The following GLT6D1 variants were observed in gnomAD, a reference collection of about 807,000 sequenced individuals.
GLT6D1 encodes the protein glycosyltransferase 6 domain containing 1, also known as putative glycosyltransferase 6 domain-containing protein 1.
GLT6D1 carries 9 observed loss-of-function variants against 12.3 expected under a neutral mutation model. That is an observed-to-expected ratio of 0.73 (90% CI 0.44 to 1.27). The LOEUF is 1.27. Ranked by LOEUF, GLT6D1 falls within the 50% of genes most tolerant of loss-of-function variation. The probability of loss-of-function intolerance (pLI) is 0.00; values close to 1 mark genes in which losing one functional copy is unlikely to be tolerated. For synonymous variants in GLT6D1, 128 were observed against 132.3 expected (o/e 0.97, Z 0.23); for missense variants, 335 against 346.2 (o/e 0.97, Z 0.26).
chr9:135,637,373 G>T (rs7855164), intron 2 of GLT6D1, among the ~76,000 whole-genome samples: 1 of 149,748 alleles, frequency 6.7e-6, no homozygotes, highest in Admixed American at 6.7e-5. Context: ...GGTTTGTGTG[G>T]ACATAAGTGT....
chr9:135,640,544 C>A (rs1211411203), upstream of GLT6D1, among the ~76,000 whole-genome samples: 7 of 151,414 alleles, frequency 4.6e-5, no homozygotes, highest in African/African-American at 4.9e-5. Flanking sequence ...CATGGTGAGA[C>A]CCCCGTCTCT....
intron 4 of GLT6D1, among the ~76,000 whole-genome samples, chr9:135,624,981 T>C (rs1169778812): frequency 6.7e-6 from 1 of 149,844 alleles, no homozygotes; most frequent in Non-Finnish European, 1.5e-5. Flanking sequence ...TGACCTCAGG[T>C]GATCCCACCC....
rs1033134353 is a variant in GLT6D1, at chr9:135,623,908, G to A, written c.*189C>T. On this transcript the variant is annotated 3_prime_UTR_variant, in exon 5 of 5. Coordinates refer to ENST00000371763, the MANE Select transcript of GLT6D1 (RefSeq NM_182974.3). ...ATTTATTTGGGAAGGATGTAAATTT[G>A]TATGTCTCTAAAAAATGGAAGGTCT... 1 of 518,154 alleles carries A rather than the reference G, an allele frequency of 1.9e-6. No homozygotes were observed. Among genetic ancestry groups the A allele is most frequent in the Non-Finnish European group, 3.4e-6 (1 of 295,012 alleles). The allele number at this position is 518,154 out of a possible 1,614,324, so 32.1% of individuals were successfully genotyped here.
rs1246358652 is a variant in GLT6D1, at chr9:135,624,589, GA to G, written c.338del (p.Ile113ThrfsTer12). ...GCAGCTTGAAGAAGGCGTCCACCAT[GA>G]TGTAGAAGATCACTCGGTAGCCTGT... is the stretch of plus-strand genomic sequence containing the variant. ...FMTGYRVIFY[I>X]MVDAFFKLPD... On this transcript the variant is annotated frameshift_variant, in exon 5 of 5. Coordinates refer to ENST00000371763, the MANE Select transcript of GLT6D1 (RefSeq NM_182974.3). LOFTEE classifies it low-confidence loss of function (END_TRUNC). 3.7e-6 allele frequency: 6 copies of G among 1,613,546 alleles called. No individual in the cohort carries two copies. In the South Asian group the frequency reaches 6.6e-5, roughly 18 times the overall value.
In GLT6D1 at chr9:135,624,037, G is replaced by C. The variant is rs151325954; in HGVS notation, c.*60C>G. ...TCTGGGAATCATGTGCGACCTTGAC[G>C]TATTGGATCTGTGGAGGAGGAGAAA... On this transcript the variant is annotated 3_prime_UTR_variant, in exon 5 of 5. Transcript: ENST00000371763. The C allele has an allele frequency of 5.9e-6, 6 of 1,012,398 alleles. No individual in the cohort carries two copies. The highest frequency in any genetic ancestry group is 9.1e-6 in the Non-Finnish European group (6 of 661,688). 62.7% of individuals were successfully genotyped at this position (1,012,398 alleles called of 1,614,324 possible).
chr9:135,637,415 A>C (rs1833800810), intron 2 of GLT6D1, among the ~76,000 whole-genome samples: 1 of 151,736 alleles, frequency 6.6e-6, no homozygotes, highest in African/African-American at 2.4e-5. Flanking sequence ...CTAGGAGCAC[A>C]GTTGCTCTGT....
intron 4 of GLT6D1, among the ~76,000 whole-genome samples, chr9:135,625,547 T>G (rs1007268359): frequency 6.6e-6 from 1 of 152,190 alleles, no homozygotes; most frequent in Non-Finnish European, 1.5e-5. Context: ...ACTTTACTAG[T>G]CTGCAAAATA....
chr9:135,631,351 G>T, intron 3 of GLT6D1, 80 bp downstream of exon 3: 1 of 1,110,666 alleles, frequency 9.0e-7, no homozygotes, highest in South Asian at 1.2e-5. Flanking sequence ...TGAATTTGGT[G>T]ACTGGGGAAG....
intron 2 of GLT6D1, among the ~76,000 whole-genome samples, chr9:135,638,191 C>T (rs1833819330): frequency 6.6e-6 from 1 of 152,164 alleles, no homozygotes; most frequent in East Asian, 1.9e-4. Context: ...CTGATAAACC[C>T]ATCAGATCTC....
chr9:135,632,672 T>C (rs1689687784), intron 2 of GLT6D1, among the ~76,000 whole-genome samples: 1 of 151,746 alleles, frequency 6.6e-6, no homozygotes, highest in Non-Finnish European at 1.5e-5. Flanking sequence ...AGAGATTTTT[T>C]TTTTTTTTTT....
At chr9:135,639,095 T>C in intron 2 of GLT6D1, 22 bp downstream of exon 2, 1 of 1,337,208 alleles carries the variant, frequency 7.5e-7, no homozygotes. Flanking sequence ...AAGATCATGA[T>C]TTATCAATAC....
At chr9:135,631,390 A>T (rs779267028) in intron 3 of GLT6D1, 41 bp downstream of exon 3, 8 of 1,478,904 alleles carry the variant, frequency 5.4e-6, no homozygotes, top group Non-Finnish European at 5.7e-6. Flanking sequence ...ATTGAAGTAT[A>T]TTGTTTGTGT....
chr9:135,630,547 C>T (rs373592163), intron 3 of GLT6D1, among the ~76,000 whole-genome samples: 83 of 151,854 alleles, frequency 5.5e-4, no homozygotes, highest in African/African-American at 1.9e-3. Flanking sequence ...TGATGAAACC[C>T]TGTCTCTACT....
intron 4 of GLT6D1, among the ~76,000 whole-genome samples, chr9:135,625,305 G>A (rs1460734715): frequency 6.6e-6 from 1 of 152,088 alleles, no homozygotes; most frequent in South Asian, 2.1e-4. Context: ...TTAAGGACTC[G>A]GCCATCGACA....
chr9:135,630,478 G>A (rs961913761), intron 3 of GLT6D1, among the ~76,000 whole-genome samples: 6 of 151,576 alleles, frequency 4.0e-5, no homozygotes, highest in Admixed American at 6.6e-5. Flanking sequence ...AAAGATACTC[G>A]GGAGGCCGAG....
chr9:135,634,442 C>CATTTTT (rs1833719249), intron 2 of GLT6D1, among the ~76,000 whole-genome samples: 1 of 54,862 alleles, frequency 1.8e-5, no homozygotes, highest in Non-Finnish European at 3.1e-5. Context: ...TTTTCCTTTC[C>CATTTTT]TTTTTTTTTT....
At chr9:135,638,228 T>C (rs1833820459) in intron 2 of GLT6D1, among the ~76,000 whole-genome samples, 1 of 152,152 alleles carries the variant, frequency 6.6e-6, no homozygotes, top group South Asian at 2.1e-4. Context: ...ATCATGAGAA[T>C]AGCATGGGAA....
chr9:135,628,769 T>C (rs1231970950), intron 3 of GLT6D1, among the ~76,000 whole-genome samples: 1 of 152,130 alleles, frequency 6.6e-6, no homozygotes, highest in Non-Finnish European at 1.5e-5. Context: ...ATTATAGCTC[T>C]ATTCAAATTT....
At chr9:135,632,150 T>TTTTTTA (rs1833663913) in intron 2 of GLT6D1, among the ~76,000 whole-genome samples, 1 of 151,144 alleles carries the variant, frequency 6.6e-6, no homozygotes, top group African/African-American at 2.4e-5. Flanking sequence ...TTTTTTTTTT[T>TTTTTTA]GAGACAGGCT....
Sources: gnomAD v4.1 joint callset for allele counts (sites outside exome capture counted in the v4.1 genomes callset) on GRCh38, gnomAD v4.1.1 for gene constraint, MANE v1.5 for transcripts, NCBI Gene and HGNC (gene_info 2026-07-23, HGNC 2026-07-21) for gene names.